ESYT2: variants seen among roughly 807,000 people sequenced by gnomAD.
ESYT2 encodes the protein extended synaptotagmin 2.
Under a neutral mutation model 107.2 loss-of-function variants are expected in ESYT2, and 54 were observed. The observed-to-expected ratio is 0.50, with a 90% confidence interval of 0.40 to 0.63. The LOEUF is 0.63. Ranked by LOEUF, ESYT2 falls within the 30% of genes least tolerant of loss-of-function variation. The pLI is 0.00. For synonymous variants in ESYT2, 491 were observed against 434.1 expected, an observed-to-expected ratio of 1.13 and a Z score of -1.63; for missense variants, 1,020 against 1,094.5, an observed-to-expected ratio of 0.93 and a Z score of 0.96.
chr7:158,746,007 A>G (rs975685107), intron 16 of ESYT2, among the ~76,000 whole-genome samples: 1 of 150,962 alleles, frequency 6.6e-6, no homozygotes, highest in Non-Finnish European at 1.5e-5. Context: ...GTAAAAGAAA[A>G]GCAATAATGA....
At chr7:158,812,822 A>G (rs1001121053) in intron 1 of ESYT2, among the ~76,000 whole-genome samples, 3 of 152,238 alleles carry the variant, frequency 2.0e-5, no homozygotes, top group Admixed American at 6.5e-5. Flanking sequence ...AAGAAGCCAC[A>G]CATAAAAGAT....
At chr7:158,750,707 T>C (rs1837555423) in intron 14 of ESYT2, among the ~76,000 whole-genome samples, 1 of 152,100 alleles carries the variant, frequency 6.6e-6, no homozygotes, top group Admixed American at 6.5e-5. Flanking sequence ...GAATACTAAT[T>C]TCCCCCCTAA....
chr7:158,765,189 G>A (rs982620832), intron 8 of ESYT2, among the ~76,000 whole-genome samples: 2 of 152,014 alleles, frequency 1.3e-5, no homozygotes, highest in African/African-American at 2.4e-5. Flanking sequence ...GAGGGACGCC[G>A]AATGCAGAGG....
chr7:158,743,828 T>C, intron 16 of ESYT2, 150 bp from the exon 17 acceptor site: 1 of 834,752 alleles, frequency 1.2e-6, no homozygotes, highest in Non-Finnish European at 1.7e-6. Flanking sequence ...CGCCTGTAAT[T>C]TCAGCACTTT....
chr7:158,769,129 C>G (rs908963624), intron 7 of ESYT2, among the ~76,000 whole-genome samples: 1 of 152,216 alleles, frequency 6.6e-6, no homozygotes, highest in African/African-American at 2.4e-5. Flanking sequence ...TAATGCCCAA[C>G]CACCCACTGC....
intron 1 of ESYT2, 135 bp downstream of exon 1, chr7:158,828,954 G>T: frequency 7.4e-7 from 1 of 1,349,216 alleles, no homozygotes; most frequent in Non-Finnish European, 9.6e-7. Context: ...GGGGGACTAC[G>T]AAGGCGGGAG....
chr7:158,741,464 G>A, intron 18 of ESYT2, 59 bp downstream of exon 18: 3 of 1,384,618 alleles, frequency 2.2e-6, no homozygotes, highest in Non-Finnish European at 2.8e-6. Flanking sequence ...CTCTCCCCCA[G>A]CGTGGGGTGG....
At chr7:158,743,860 G>T in intron 16 of ESYT2, 182 bp from the exon 17 acceptor site, 1 of 584,720 alleles carries the variant, frequency 1.7e-6, no homozygotes, top group Non-Finnish European at 2.8e-6. Flanking sequence ...ATCACCTGAG[G>T]CCAGGGGTTC....
intron 1 of ESYT2, among the ~76,000 whole-genome samples, chr7:158,816,657 C>A (rs143699310): frequency 6.6e-6 from 1 of 152,204 alleles, no homozygotes; most frequent in African/African-American, 2.4e-5. Flanking sequence ...TTGTCACAGG[C>A]GCCCTAATGC....
intron 6 of ESYT2, among the ~76,000 whole-genome samples, chr7:158,782,768 ATGTG>A (rs34404444): frequency 0.018 from 2,739 of 152,206 alleles, 83 homozygotes; most frequent in African/African-American, 0.061. Flanking sequence ...AAGTGTGAAA[ATGTG>A]TGTCCATGAG....
At chr7:158,814,321 ATATATATATATATATATATATATATG>A (rs1282164352) in intron 1 of ESYT2, among the ~76,000 whole-genome samples, 4,461 of 15,156 alleles carry the variant, frequency 0.29, 455 homozygotes, top group Non-Finnish European at 0.41. Context: ...ATATATATAT[ATATATATATATATATATATATATATG>A]AAATAATATA....
chr7:158,743,328 A>C, intron 17 of ESYT2, among the ~76,000 whole-genome samples: 1 of 152,306 alleles, frequency 6.6e-6, no homozygotes, highest in East Asian at 1.9e-4. Flanking sequence ...TCTATGGCTG[A>C]GTCCCAGCCT....
chr7:158,774,304 A>G (rs1019296608), intron 6 of ESYT2, among the ~76,000 whole-genome samples: 1 of 152,212 alleles, frequency 6.6e-6, no homozygotes, highest in Non-Finnish European at 1.5e-5. Flanking sequence ...ACAAACAAAC[A>G]AAAAACAATT....
At chr7:158,754,453 C>T (rs1425132952) in intron 13 of ESYT2, among the ~76,000 whole-genome samples, 1 of 151,984 alleles carries the variant, frequency 6.6e-6, no homozygotes, top group Non-Finnish European at 1.5e-5. Flanking sequence ...CCTTGTGATC[C>T]ACCCACCTCA....
At chr7:158,739,619 A>C (rs1242944623) in intron 18 of ESYT2, among the ~76,000 whole-genome samples, 1 of 152,182 alleles carries the variant, frequency 6.6e-6, no homozygotes, top group Admixed American at 6.5e-5. Context: ...AAGTGCTGGG[A>C]TTACAGGCGT....
intron 21 of ESYT2, among the ~76,000 whole-genome samples, chr7:158,735,095 G>C (rs776399692): frequency 3.3e-5 from 5 of 152,180 alleles, no homozygotes; most frequent in Non-Finnish European, 5.9e-5. Context: ...AATGATGCCC[G>C]TGACTCAAAT....
intron 3 of ESYT2, among the ~76,000 whole-genome samples, chr7:158,796,474 G>T (rs1839461780): frequency 6.6e-6 from 1 of 152,094 alleles, no homozygotes; most frequent in Admixed American, 6.5e-5. Context: ...TCCCGAGAGG[G>T]GTAAACACCT....
At chr7:158,801,184 T>C (rs1253080327) in intron 1 of ESYT2, among the ~76,000 whole-genome samples, 1 of 152,210 alleles carries the variant, frequency 6.6e-6, no homozygotes, top group African/African-American at 2.4e-5. Flanking sequence ...CATTCTATTC[T>C]GGAATGAACA....
intron 4 of ESYT2, among the ~76,000 whole-genome samples, chr7:158,790,764 C>T (rs1839262412): frequency 1.3e-5 from 2 of 152,084 alleles, no homozygotes; most frequent in African/African-American, 4.8e-5. Context: ...CTTGTCTCTA[C>T]TAAAAGCATA....
Sources: gnomAD v4.1 joint callset for allele counts (sites outside exome capture counted in the v4.1 genomes callset) on GRCh38, gnomAD v4.1.1 for gene constraint, MANE v1.5 for transcripts, NCBI Gene and HGNC (gene_info 2026-07-23, HGNC 2026-07-21) for gene names.